The following GIT2 variants were observed in gnomAD, a reference collection of about 807,000 sequenced individuals.
GIT2 encodes the protein GIT ArfGAP 2.
In GIT2, 32 loss-of-function variants were observed where a neutral mutation model predicts 100.3. The observed-to-expected ratio is 0.32, with a 90% CI of 0.24 to 0.43. The LOEUF is 0.43. Among genes scored for constraint, GIT2 ranks in the 20% least tolerant of loss-of-function variants. The probability of loss-of-function intolerance (pLI) is 1.00; values close to 1 mark genes in which losing one functional copy is unlikely to be tolerated. For missense variants in GIT2, 737 were observed against 975.1 expected, an observed-to-expected ratio of 0.76 and a Z score of 3.25; for synonymous variants, 353 against 364.1, an observed-to-expected ratio of 0.97 and a Z score of 0.35.
intron 7 of GIT2, among the ~76,000 whole-genome samples, chr12:109,971,080 C>T (rs1307020571): frequency 1.3e-5 from 2 of 152,206 alleles, no homozygotes; most frequent in Non-Finnish European, 2.9e-5. Context: ...GCCACTATAC[C>T]TGGCCTCCAT....
At chr12:109,969,162 CTTTTTTTTTTTTT>C (rs71079595) in intron 7 of GIT2, among the ~76,000 whole-genome samples, 1 of 89,134 alleles carries the variant, frequency 1.1e-5, no homozygotes, top group Non-Finnish European at 2.1e-5. Context: ...AAAACTTTTC[CTTTTTTTTTTTTT>C]TTTTTTTTTG....
At chr12:109,986,555 GA>G (rs1275520036) in intron 4 of GIT2, among the ~76,000 whole-genome samples, 1 of 152,158 alleles carries the variant, frequency 6.6e-6, no homozygotes, top group Non-Finnish European at 1.5e-5. Flanking sequence ...ACGAGGTCAG[GA>G]AATCGGGACC....
Position 109,980,938 on chromosome 12 carries a change from C to G in GIT2, c.718+14G>C. ...CAACTGGAGATGTGAAACGGTCATT[C>G]TCCATCCACTCACCTGGTTTCCTGC... On this transcript the variant is annotated intron_variant, in intron 7 of 19. Transcript: ENST00000355312. The G allele has an allele frequency of 6.6e-7, 1 of 1,513,006 alleles. No homozygotes were observed. Among genetic ancestry groups the G allele is most frequent in the Non-Finnish European group, 9.2e-7 (1 of 1,087,472 alleles). The allele number at this position is 1,513,006 out of a possible 1,614,324, so 93.7% of individuals were successfully genotyped here.
At chr12:109,971,320 AT>A (rs990182765) in intron 7 of GIT2, among the ~76,000 whole-genome samples, 1 of 151,644 alleles carries the variant, frequency 6.6e-6, no homozygotes, top group African/African-American at 2.4e-5. Context: ...TAAGTATTTA[AT>A]TTGGAGCTTT....
At chr12:109,986,937 A>G (rs1430503638) in intron 4 of GIT2, among the ~76,000 whole-genome samples, 1 of 152,072 alleles carries the variant, frequency 6.6e-6, no homozygotes, top group Non-Finnish European at 1.5e-5. Context: ...AGCCTGGACT[A>G]CAGAGCGAGA....
At chr12:109,975,130 TG>T (rs1182869677) in intron 7 of GIT2, among the ~76,000 whole-genome samples, 2 of 152,238 alleles carry the variant, frequency 1.3e-5, no homozygotes, top group African/African-American at 4.8e-5. Context: ...TTTATACTTT[TG>T]GTTTTTAACT....
At chr12:109,965,717 G>C (rs1366611862) in intron 8 of GIT2, 140 bp from the exon 9 acceptor site, 5 of 768,606 alleles carry the variant, frequency 6.5e-6, no homozygotes, top group Non-Finnish European at 1.2e-5. Flanking sequence ...CAGCCCAGTA[G>C]AGTCAGTGAG....
intron 9 of GIT2, among the ~76,000 whole-genome samples, chr12:109,964,247 AACAC>A (rs1311956130): frequency 2.0e-5 from 3 of 152,200 alleles, no homozygotes; most frequent in South Asian, 4.1e-4. Context: ...AAGGCAATAA[AACAC>A]ACAGACACAC....
At chr12:109,998,458 T>C (rs1055980341), upstream of GIT2, 3 of 152,246 alleles carry the variant, frequency 2.0e-5, no homozygotes. Flanking sequence ...AGCTATGTGG[T>C]CTAGTTGTAG....
chr12:109,961,124 T>C (rs747430962), intron 11 of GIT2, among the ~76,000 whole-genome samples, 154 bp downstream of exon 11: 3 of 152,226 alleles, frequency 2.0e-5, no homozygotes, highest in African/African-American at 4.8e-5. Flanking sequence ...AGTCTATTGT[T>C]TTTCTTATCA....
intron 18 of GIT2, among the ~76,000 whole-genome samples, chr12:109,936,785 G>C (rs1037347237): frequency 6.6e-6 from 1 of 151,792 alleles, no homozygotes; most frequent in Non-Finnish European, 1.5e-5. Flanking sequence ...CAGGAGGATC[G>C]CTTGAGCCAA....
chr12:109,974,159 C>T (rs1593092828), intron 7 of GIT2, among the ~76,000 whole-genome samples: 1 of 152,170 alleles, frequency 6.6e-6, no homozygotes, highest in South Asian at 2.1e-4. Context: ...TGATATGCTG[C>T]ATTTTCATTT....
chr12:109,992,939 T>G (rs1888690573), intron 1 of GIT2, among the ~76,000 whole-genome samples: 1 of 151,900 alleles, frequency 6.6e-6, no homozygotes, highest in Non-Finnish European at 1.5e-5. Flanking sequence ...CCTAAAGTGC[T>G]GGGATTACAG....
At chr12:109,976,803 G>A (rs1224384727) in intron 7 of GIT2, among the ~76,000 whole-genome samples, 1 of 150,840 alleles carries the variant, frequency 6.6e-6, no homozygotes, top group Non-Finnish European at 1.5e-5. Flanking sequence ...TGGTCAGGCT[G>A]GTCTCAAACT....
intron 7 of GIT2, among the ~76,000 whole-genome samples, chr12:109,979,911 A>G (rs1344516470): frequency 2.0e-5 from 3 of 152,162 alleles, no homozygotes; most frequent in Non-Finnish European, 1.5e-5. Context: ...GGGTTGGCCA[A>G]TATTTTCTTT....
Position 109,983,360 on chromosome 12 carries a change from C to T in GIT2, c.623+13G>A. On this transcript the variant is annotated intron_variant, in intron 6 of 19. Transcript: ENST00000355312. ...AATCCCAGAGAGAAGTAGCGAGAATCTAGGTCTCTTACCTTGCATAATCAA... is the reference window on the plus strand; with the variant it reads ...AATCCCAGAGAGAAGTAGCGAGAATTTAGGTCTCTTACCTTGCATAATCAA... 6.2e-7 allele frequency: 1 copy of T among 1,609,778 alleles called. No individual in the cohort carries two copies. The highest frequency in any genetic ancestry group is 8.5e-7 in the Non-Finnish European group (1 of 1,178,584).
At chr12:109,980,190 G>A (rs912565468) in intron 7 of GIT2, among the ~76,000 whole-genome samples, 12 of 151,940 alleles carry the variant, frequency 7.9e-5, no homozygotes, top group African/African-American at 2.4e-4. Context: ...AGTCTCCCAA[G>A]TACGTGGGAC....
chr12:109,943,230 T>C (rs865803414), intron 16 of GIT2, among the ~76,000 whole-genome samples: 38 of 152,344 alleles, frequency 2.5e-4, no homozygotes, highest in African/African-American at 8.7e-4. Context: ...AGGTTTGACT[T>C]ACAAAATTTC....
At chr12:109,959,146 C>A (rs1281936215) in intron 12 of GIT2, among the ~76,000 whole-genome samples, 1 of 151,354 alleles carries the variant, frequency 6.6e-6, no homozygotes, top group Non-Finnish European at 1.5e-5. Context: ...CGGCTCACTG[C>A]AACCTCCGCC....
Sources: gnomAD v4.1 joint callset for allele counts (sites outside exome capture counted in the v4.1 genomes callset) on GRCh38, gnomAD v4.1.1 for gene constraint, MANE v1.5 for transcripts, NCBI Gene and HGNC (gene_info 2026-07-23, HGNC 2026-07-21) for gene names.